USP48: variants seen among roughly 807,000 people sequenced by gnomAD.
USP48 encodes ubiquitin carboxyl-terminal hydrolase 48.
Under a neutral mutation model 150.7 loss-of-function variants are expected in USP48, and 43 were observed. The observed-to-expected ratio is 0.29, with a 90% CI of 0.22 to 0.37. The LOEUF is 0.37. Among genes scored for constraint, USP48 ranks in the 10% least tolerant of loss-of-function variants. USP48 has a pLI of 1.00. For synonymous variants in USP48, 396 were observed against 425.9 expected (o/e 0.93, Z 0.86); for missense variants, 813 against 1,249.6 (o/e 0.65, Z 5.27).
chr1:21,725,458 AGAG>A (rs1314446536), intron 11 of USP48, among the ~76,000 whole-genome samples: 1 of 152,210 alleles, frequency 6.6e-6, no homozygotes, highest in African/African-American at 2.4e-5. Context: ...AATATATAAA[AGAG>A]GAGACCTTGG....
intron 18 of USP48, 137 bp from the exon 19 acceptor site, chr1:21,705,974 A>G: frequency 1.1e-6 from 1 of 940,392 alleles, no homozygotes; most frequent in South Asian, 2.0e-5. Flanking sequence ...AGGCTTATTC[A>G]TTTAATTAAT....
intron 6 of USP48, among the ~76,000 whole-genome samples, 194 bp from the exon 7 acceptor site, chr1:21,748,465 C>T (rs1015452831): frequency 1.3e-5 from 2 of 152,182 alleles, no homozygotes; most frequent in Non-Finnish European, 2.9e-5. Flanking sequence ...TTTGAATACA[C>T]TGATATTTAA....
chr1:21,775,460 G>A (rs1262521578), intron 1 of USP48, among the ~76,000 whole-genome samples: 1 of 152,024 alleles, frequency 6.6e-6, no homozygotes, highest in Non-Finnish European at 1.5e-5. Flanking sequence ...TTGCCATGTT[G>A]ACCAGACTGG....
chr1:21,775,061 A>C (rs2097894176), intron 1 of USP48, among the ~76,000 whole-genome samples: 1 of 152,080 alleles, frequency 6.6e-6, no homozygotes, highest in Non-Finnish European at 1.5e-5. Context: ...CATGAATAGA[A>C]ACAAGTTGCA....
chr1:21,769,882 A>C (rs115198519), intron 1 of USP48, among the ~76,000 whole-genome samples: 3,090 of 152,220 alleles, frequency 0.02, 41 homozygotes, highest in Middle Eastern at 0.048. Flanking sequence ...CCTGTATCAA[A>C]AAGAAAAGAA....
intron 10 of USP48, among the ~76,000 whole-genome samples, chr1:21,729,310 G>T (rs551937259): frequency 6.6e-6 from 1 of 150,722 alleles, no homozygotes; most frequent in East Asian, 1.9e-4. Flanking sequence ...AAGAATAGAT[G>T]ATGCCACCAA....
At chr1:21,772,430 C>T (rs142827991) in intron 1 of USP48, among the ~76,000 whole-genome samples, 3,132 of 151,954 alleles carry the variant, frequency 0.021, 109 homozygotes, top group African/African-American at 0.072. Context: ...GAGACCATCC[C>T]GGCTAACACA....
intron 1 of USP48, among the ~76,000 whole-genome samples, chr1:21,759,774 G>T (rs2097845804): frequency 6.6e-6 from 1 of 152,180 alleles, no homozygotes; most frequent in African/African-American, 2.4e-5. Context: ...CCCTTTAGAA[G>T]AAAACCAACT....
chr1:21,782,699 C>A (rs138255854), intron 1 of USP48, 125 bp downstream of exon 1: 3 of 1,363,194 alleles, frequency 2.2e-6, no homozygotes, highest in Non-Finnish European at 2.9e-6. Context: ...GGGGAAACTC[C>A]ACCTCGCTCG....
rs1156987405 is a variant in USP48 at position 21,733,378 on chromosome 1, T to C, written c.1171+3068A>G. On this transcript the variant is annotated intron_variant, in intron 9 of 26. Coordinates refer to ENST00000308271, the MANE Select transcript of USP48 (RefSeq NM_032236.8). Reference sequence around the variant, plus strand: ...GTTGTAGTGAGCCGAGATCGCGCCATTGCACTCCAGCCTGGCCGACAGAGG... The same window carrying C: ...GTTGTAGTGAGCCGAGATCGCGCCACTGCACTCCAGCCTGGCCGACAGAGG... Among the ~76,000 whole-genome samples the C allele has an allele frequency of 7.9e-5, 12 of 151,856 alleles. No homozygotes were observed. The Middle Eastern group carries it at 0.01, about 129-fold the overall frequency.
rs2097840434 is a variant in USP48, at chr1:21,757,739, T to C, written c.179A>G (p.Glu60Gly). ...GNPNCLVGIG[E>G]HIWLGEIDEN... ...ATCTATTTCTCCTAACCAAATATGC[T>C]CACCAATACCAACCAAGCAATTCGG... The change falls in exon 2 of 27, where the codon GAG becomes GGG. Residue 60 changes from glutamate to glycine, a missense_variant. Glu to Gly is a moderately conservative substitution (Grantham distance 98). Transcript: ENST00000308271. The C allele has an allele frequency of 6.2e-7, 1 of 1,612,364 alleles. No individual in the cohort carries two copies. Among genetic ancestry groups the C allele is most frequent in the Non-Finnish European group, 8.5e-7 (1 of 1,179,428 alleles).
intron 8 of USP48, among the ~76,000 whole-genome samples, chr1:21,745,127 A>T (rs2097791552): frequency 6.6e-6 from 1 of 152,212 alleles, no homozygotes; most frequent in South Asian, 2.1e-4. Flanking sequence ...TATCTAGAAC[A>T]AATCCTATGC....
intron 1 of USP48, among the ~76,000 whole-genome samples, chr1:21,782,371 C>T (rs986834737): frequency 2.0e-5 from 3 of 152,024 alleles, no homozygotes; most frequent in African/African-American, 7.2e-5. Context: ...GTATCGATGA[C>T]GTAGGCTGAC....
chr1:21,696,188 C>G (rs1045909519), intron 22 of USP48, among the ~76,000 whole-genome samples: 1 of 152,216 alleles, frequency 6.6e-6, no homozygotes, highest in Non-Finnish European at 1.5e-5. Context: ...CCTGTAATCC[C>G]AACACTCTGG....
At chr1:21,710,644 T>TGA (rs992642837) in intron 15 of USP48, among the ~76,000 whole-genome samples, 6 of 152,162 alleles carry the variant, frequency 3.9e-5, no homozygotes, top group African/African-American at 1.4e-4. Context: ...ACAAAACCTG[T>TGA]GATACATTAA....
intron 1 of USP48, among the ~76,000 whole-genome samples, chr1:21,779,999 G>A (rs2097910549): frequency 1.3e-5 from 2 of 152,190 alleles, no homozygotes; most frequent in South Asian, 2.1e-4. Flanking sequence ...CACTGTGGAA[G>A]TTTCGCGGTT....
Position 21,690,104 on chromosome 1 carries a change from G to A in USP48, c.2884-5C>T. On this transcript the variant is annotated splice_region_variant and splice_polypyrimidine_tract_variant and intron_variant, in intron 23 of 26. Transcript: ENST00000308271. ...AACTGAAAATGCATGCATGATCTGT[G>A]CCAATATAAAAGAGAGAAAGTCCGT... 6.2e-7 allele frequency: 1 copy of A among 1,610,858 alleles called. No individual in the cohort carries two copies. The highest frequency in any genetic ancestry group is 8.5e-7 in the Non-Finnish European group (1 of 1,178,484).
chr1:21,715,190 T>C lies in USP48; in HGVS notation c.1963+199A>G, dbSNP rs1191577856. On this transcript the variant is annotated intron_variant, in intron 15 of 26. Coordinates refer to ENST00000308271, the MANE Select transcript of USP48 (RefSeq NM_032236.8). Reference sequence around the variant, plus strand: ...ATGGGAAACAACTGAAATTCAATACTTCAAATTCAAAAGCACTTCAATGGA... The same window carrying C: ...ATGGGAAACAACTGAAATTCAATACCTCAAATTCAAAAGCACTTCAATGGA... 6.1e-6 allele frequency: 3 copies of C among 495,316 alleles called. No homozygotes were observed. In the East Asian group the frequency reaches 1.1e-4, roughly 18 times the overall value. The allele number at this position is 495,316 out of a possible 1,614,324, so 30.7% of individuals were successfully genotyped here. A position where few individuals can be genotyped will look rare whatever the true frequency, so the allele number is the denominator to read the frequency against.
At chr1:21,702,200 C>A (rs2097659025) in intron 21 of USP48, among the ~76,000 whole-genome samples, 1 of 152,000 alleles carries the variant, frequency 6.6e-6, no homozygotes, top group Admixed American at 6.6e-5. Flanking sequence ...AAATGAAGGC[C>A]TTAGTTTATT....
Sources: allele counts gnomAD v4.1 joint callset (sites outside exome capture counted in the v4.1 genomes callset), GRCh38; gene constraint gnomAD v4.1.1; transcripts MANE v1.5; gene names NCBI Gene and HGNC (gene_info 2026-07-23, HGNC 2026-07-21).